ZC2HC1A: variants seen among roughly 807,000 people sequenced by gnomAD.
The protein encoded by ZC2HC1A is zinc finger C2HC domain-containing protein 1A.
In ZC2HC1A, 28 loss-of-function variants were observed where a neutral mutation model predicts 40.7. The ratio of observed to expected loss-of-function variants is 0.69; its 90% CI spans 0.51 to 0.94. ZC2HC1A has a LOEUF of 0.94. Ranked by LOEUF, ZC2HC1A falls within the 40% of genes least tolerant of loss-of-function variation. ZC2HC1A has a pLI of 0.00. For synonymous variants in ZC2HC1A, 129 were observed against 129.2 expected (o/e 1.00, Z 0.01); for missense variants, 389 against 386.3 (o/e 1.01, Z -0.06).
intron 1 of ZC2HC1A, among the ~76,000 whole-genome samples, chr8:78,668,884 T>C (rs1405230045): frequency 6.6e-6 from 1 of 151,216 alleles, no homozygotes; most frequent in Non-Finnish European, 1.5e-5. Flanking sequence ...ATTTTATCCT[T>C]ATATACAGTA....
Position 78,706,146 on chromosome 8 carries a change from C to G in ZC2HC1A, c.704+7633C>G, listed in dbSNP as rs192294087. ...CCAAACAGCAAAGATGGCAGCCTGT[C>G]CCTTCCCCTGGGAGTTCCATCCCAG... is the stretch of plus-strand genomic sequence containing the variant. On this transcript the variant is annotated intron_variant, in intron 7 of 8. Transcript: ENST00000263849. Among the ~76,000 whole-genome samples, 6 of 152,312 alleles carry G rather than the reference C, an allele frequency of 3.9e-5. No homozygotes were observed. The East Asian group carries it at 1.2e-3, about 29-fold the overall frequency.
chr8:78,712,085 A>C (rs1007310292), intron 7 of ZC2HC1A: 40 of 1,288,956 alleles, frequency 3.1e-5, no homozygotes, highest in Non-Finnish European at 3.9e-5. Context: ...ATCAAAAGAC[A>C]TGAGTTATTA....
At chr8:78,667,026 C>T (rs912697156) in intron 1 of ZC2HC1A, among the ~76,000 whole-genome samples, 2 of 152,116 alleles carry the variant, frequency 1.3e-5, no homozygotes, top group African/African-American at 4.8e-5. Context: ...TTGAAAGATC[C>T]TATTGTCTTG....
At chr8:78,687,815 A>T (rs1425724966) in intron 4 of ZC2HC1A, among the ~76,000 whole-genome samples, 5 of 130,884 alleles carry the variant, frequency 3.8e-5, no homozygotes, top group African/African-American at 1.4e-4. Flanking sequence ...CATGTAATAA[A>T]TATATATATT....
At chr8:78,682,739 A>T (rs1306014761) in intron 3 of ZC2HC1A, among the ~76,000 whole-genome samples, 1 of 152,178 alleles carries the variant, frequency 6.6e-6, no homozygotes, top group African/African-American at 2.4e-5. Context: ...CCAAAGTCTT[A>T]ACTCATTTCA....
At chr8:78,705,152 T>G (rs1004241275) in intron 7 of ZC2HC1A, among the ~76,000 whole-genome samples, 4 of 152,218 alleles carry the variant, frequency 2.6e-5, no homozygotes, top group Non-Finnish European at 5.9e-5. Flanking sequence ...TCAGCCTGAT[T>G]CCTGTTGGAG....
chr8:78,675,241 A>C (rs148784341), intron 1 of ZC2HC1A, among the ~76,000 whole-genome samples: 3 of 151,810 alleles, frequency 2.0e-5, no homozygotes, highest in African/African-American at 7.2e-5. Flanking sequence ...TATAAGTATT[A>C]TATGTATAAA....
Position 78,718,252 on chromosome 8 carries a change from CCT to C in ZC2HC1A, c.*762_*763del, listed in dbSNP as rs1041774532. The C allele has an allele frequency of 1.3e-5, 2 of 151,854 alleles. No individual in the cohort carries two copies. Among genetic ancestry groups the C allele is most frequent in the Admixed American group, 1.3e-4 (2 of 15,250 alleles). The allele number at this position is 151,854 out of a possible 1,614,324, so 9.4% of individuals were successfully genotyped here. ...AATTGTTTTTCCAGATTTCACTTTT[CCT>C]CTTTTTCCATAACCCGTGAAGATAG... On this transcript the variant is annotated 3_prime_UTR_variant, in exon 9 of 9. Coordinates refer to ENST00000263849, the MANE Select transcript of ZC2HC1A (RefSeq NM_016010.3).
At chr8:78,683,220 GCCCC>G (rs1396780206) in intron 3 of ZC2HC1A, among the ~76,000 whole-genome samples, 3 of 152,244 alleles carry the variant, frequency 2.0e-5, no homozygotes, top group Admixed American at 2.0e-4. Context: ...CACTAGGCAT[GCCCC>G]AGTGGGGCCT....
chr8:78,693,929 C>G (rs909912149), intron 5 of ZC2HC1A, among the ~76,000 whole-genome samples: 1 of 152,136 alleles, frequency 6.6e-6, no homozygotes, highest in Non-Finnish European at 1.5e-5. Flanking sequence ...AGGAAGGGAT[C>G]CAGTTTCAGC....
intron 1 of ZC2HC1A, among the ~76,000 whole-genome samples, chr8:78,667,772 G>A (rs1047122633): frequency 1.3e-5 from 2 of 152,032 alleles, no homozygotes; most frequent in Non-Finnish European, 2.9e-5. Flanking sequence ...TTTTAACAGT[G>A]CTAAGATATT....
chr8:78,668,149 C>T (rs1235738174), intron 1 of ZC2HC1A, among the ~76,000 whole-genome samples: 2 of 152,020 alleles, frequency 1.3e-5, no homozygotes, highest in Non-Finnish European at 2.9e-5. Context: ...GTGCCTTTCT[C>T]TCCTTCCTCC....
intron 3 of ZC2HC1A, among the ~76,000 whole-genome samples, chr8:78,681,901 C>T (rs1258784781): frequency 4.0e-5 from 5 of 126,466 alleles, no homozygotes; most frequent in Admixed American, 8.1e-5. Flanking sequence ...CTTTTTCTTT[C>T]TTTTTTTTTT....
At chr8:78,674,778 T>C (rs74450608) in intron 1 of ZC2HC1A, among the ~76,000 whole-genome samples, 1,604 of 152,282 alleles carry the variant, frequency 0.011, 27 homozygotes, top group Non-Finnish European at 0.015. Flanking sequence ...TAGTTCTCTG[T>C]GAACTCACTA....
rs371962432 is a variant in ZC2HC1A, at chr8:78,697,468, G to A, written c.566G>A (p.Arg189Gln). ...SPGTASSGSS[R>Q]LPQPSGAGKT... ...GGAACTGCATCATCAGGATCTTCAC[G>A]ATTACCGCAGCCAAGTGGCGCTGGC... Residue 189 changes from arginine (R) to glutamine (Q), a missense_variant, in exon 6 of 9, where the codon CGA (arginine) becomes CAA (glutamine). Transcript: ENST00000263849. 1.0e-4 allele frequency: 164 copies of A among 1,610,216 alleles called. No individual in the cohort carries two copies. Among genetic ancestry groups the A allele is most frequent in the Non-Finnish European group, 9.4e-5 (111 of 1,179,128 alleles).
At chr8:78,710,675 A>G (rs1563639424) in intron 7 of ZC2HC1A, among the ~76,000 whole-genome samples, 2 of 152,208 alleles carry the variant, frequency 1.3e-5, no homozygotes, top group South Asian at 2.1e-4. Context: ...ATAATTAAGG[A>G]TTAGAATAAA....
chr8:78,703,860 C>CT (rs1810684879), intron 7 of ZC2HC1A, among the ~76,000 whole-genome samples: 1 of 152,114 alleles, frequency 6.6e-6, no homozygotes, highest in Non-Finnish European at 1.5e-5. Context: ...GTTTATGTAA[C>CT]TAACAGTTTT....
At chr8:78,675,752 A>G (rs1184802395) in intron 1 of ZC2HC1A, 35 bp from the exon 2 acceptor site, 2 of 1,471,776 alleles carry the variant, frequency 1.4e-6, no homozygotes, top group African/African-American at 1.4e-5. Context: ...ATTTCAAGTT[A>G]TATAAATTAT....
At chr8:78,675,430 A>C (rs1443385534) in intron 1 of ZC2HC1A, among the ~76,000 whole-genome samples, 1 of 152,028 alleles carries the variant, frequency 6.6e-6, no homozygotes, top group Non-Finnish European at 1.5e-5. Flanking sequence ...CTTGGAAATT[A>C]ATAAGATAAA....
Sources: allele counts gnomAD v4.1 joint callset (sites outside exome capture counted in the v4.1 genomes callset), GRCh38; gene constraint gnomAD v4.1.1; transcripts MANE v1.5; gene names NCBI Gene and HGNC (gene_info 2026-07-23, HGNC 2026-07-21).